ARHGAP15: variants seen among roughly 807,000 people sequenced by gnomAD.
ARHGAP15 encodes Rho GTPase activating protein 15, also known as rho GTPase-activating protein 15.
In ARHGAP15, 51 loss-of-function variants were observed where a neutral mutation model predicts 63.7. The observed-to-expected ratio is 0.80, with a 90% CI of 0.64 to 1.01. ARHGAP15 has a LOEUF of 1.01. Ranked by LOEUF, ARHGAP15 falls within the 50% of genes least tolerant of loss-of-function variation. ARHGAP15 has a pLI of 0.00. For missense variants in ARHGAP15, 560 were observed against 564.6 expected (o/e 0.99, Z 0.08); for synonymous variants, 191 against 193.8 (o/e 0.99, Z 0.12).
intron 5 of ARHGAP15, among the ~76,000 whole-genome samples, chr2:143,245,925 C>T (rs1694030799): frequency 6.6e-6 from 1 of 152,088 alleles, no homozygotes; most frequent in Non-Finnish European, 1.5e-5. Context: ...GTTTATTAGA[C>T]AGATGGGCCA....
intron 13 of ARHGAP15, among the ~76,000 whole-genome samples, chr2:143,708,052 C>T (rs192591278): frequency 5.9e-5 from 9 of 152,176 alleles, no homozygotes; most frequent in Middle Eastern, 3.4e-3. Flanking sequence ...ACAAAGAAAC[C>T]AGGCTTTGGA....
chr2:143,520,354 C>T (rs1694007338), intron 10 of ARHGAP15, among the ~76,000 whole-genome samples: 1 of 152,130 alleles, frequency 6.6e-6, no homozygotes. Flanking sequence ...TTTCTAACTC[C>T]TGGAAATTCA....
chr2:143,135,443 A>G (rs1689098101), intron 1 of ARHGAP15, among the ~76,000 whole-genome samples: 1 of 152,200 alleles, frequency 6.6e-6, no homozygotes, highest in South Asian at 2.1e-4. Flanking sequence ...GGATTGCTGG[A>G]GATACAAAGA....
intron 11 of ARHGAP15, among the ~76,000 whole-genome samples, chr2:143,586,361 G>T (rs139044727): frequency 0.011 from 1,660 of 151,098 alleles, 29 homozygotes; most frequent in African/African-American, 0.038. Flanking sequence ...TTTTTTCTGT[G>T]GCATTTGCTC....
At chr2:143,539,367 G>A (rs1363405929) in intron 10 of ARHGAP15, among the ~76,000 whole-genome samples, 1 of 151,244 alleles carries the variant, frequency 6.6e-6, no homozygotes, top group East Asian at 1.9e-4. Context: ...GGTTTTTTGT[G>A]TCTCTATTTC....
chr2:143,285,398 C>T (rs922113369), intron 6 of ARHGAP15, among the ~76,000 whole-genome samples: 23 of 151,948 alleles, frequency 1.5e-4, no homozygotes, highest in Non-Finnish European at 1.3e-4. Context: ...ATAAATCAGG[C>T]AATTGACAGT....
chr2:143,189,533 C>A (rs1385909015), intron 2 of ARHGAP15, among the ~76,000 whole-genome samples: 2 of 145,280 alleles, frequency 1.4e-5, no homozygotes, highest in African/African-American at 5.1e-5. Flanking sequence ...CAGTCTCATT[C>A]CTCATTGCAA....
At chr2:143,618,563 CAATAA>C (rs1698530218) in intron 11 of ARHGAP15, among the ~76,000 whole-genome samples, 1 of 152,108 alleles carries the variant, frequency 6.6e-6, no homozygotes, top group Non-Finnish European at 1.5e-5. Flanking sequence ...AAAATTGCAA[CAATAA>C]AATAAAAGTT....
chr2:143,475,687 A>G (rs750073854), intron 8 of ARHGAP15, among the ~76,000 whole-genome samples: 2 of 152,236 alleles, frequency 1.3e-5, no homozygotes, highest in Non-Finnish European at 2.9e-5. Flanking sequence ...CAAAGGGGTG[A>G]AGCCAGAGGA....
chr2:143,506,935 T>A lies in ARHGAP15; in HGVS notation c.827-12331T>A, dbSNP rs570001856. 1.3e-4 allele frequency among the ~76,000 whole-genome samples: 20 copies of A among 152,272 alleles called. 1 individual carries two copies. The highest frequency in any genetic ancestry group is 4.3e-4 in the African/African-American group (18 of 41,564). On this transcript the variant is annotated intron_variant, in intron 9 of 13. Transcript: ENST00000295095. ...TAAGCTGTTTTAATATCAAAGGAAA[T>A]AATTTTCTTTTGTAAATTTTTCTCA... is the stretch of plus-strand genomic sequence containing the variant.
chr2:143,297,090 G>A (rs1188660173), intron 6 of ARHGAP15, among the ~76,000 whole-genome samples: 1 of 151,860 alleles, frequency 6.6e-6, no homozygotes, highest in Non-Finnish European at 1.5e-5. Flanking sequence ...TTCCTGAGGG[G>A]GAGCCTTTCC....
chr2:143,751,030 T>C (rs970995379), intron 13 of ARHGAP15, among the ~76,000 whole-genome samples: 2 of 152,188 alleles, frequency 1.3e-5, no homozygotes, highest in Admixed American at 6.5e-5. Flanking sequence ...TATTGGAACT[T>C]CTCTGACTCC....
Position 143,434,361 on chromosome 2 carries a change from C to T in ARHGAP15, c.475-1240C>T, listed in dbSNP as rs1011063040. Among the ~76,000 whole-genome samples the T allele has an allele frequency of 7.2e-5, 11 of 152,098 alleles. No individual in the cohort carries two copies. The East Asian group carries it at 1.5e-3, about 21-fold the overall frequency. ...AATCTCTATAGAGTTTTTCTAAAAACAAATGACAAATGAATATATATGCAC... is the reference window on the plus strand; with the variant it reads ...AATCTCTATAGAGTTTTTCTAAAAATAAATGACAAATGAATATATATGCAC... On this transcript the variant is annotated intron_variant, in intron 6 of 13. Transcript: ENST00000295095.
intron 5 of ARHGAP15, among the ~76,000 whole-genome samples, chr2:143,243,314 A>G (rs1231408763): frequency 6.6e-6 from 1 of 152,226 alleles, no homozygotes; most frequent in African/African-American, 2.4e-5. Flanking sequence ...GACGAAGAGA[A>G]TAATAAAAAT....
intron 12 of ARHGAP15, among the ~76,000 whole-genome samples, chr2:143,660,217 A>T (rs971233299): frequency 1.1e-4 from 16 of 152,138 alleles, no homozygotes; most frequent in African/African-American, 2.9e-4. Context: ...TGTTTTTTTT[A>T]AATTGTATCA....
intron 6 of ARHGAP15, among the ~76,000 whole-genome samples, chr2:143,433,364 G>A (rs949587779): frequency 3.3e-5 from 5 of 152,014 alleles, no homozygotes; most frequent in African/African-American, 7.2e-5. Flanking sequence ...CTGGTAACTC[G>A]AAAGATTAGT....
At chr2:143,231,088 T>TTTTTTTTTTTTA (rs1553451680) in intron 5 of ARHGAP15, among the ~76,000 whole-genome samples, 1 of 150,390 alleles carries the variant, frequency 6.6e-6, no homozygotes, top group East Asian at 1.9e-4. Flanking sequence ...TTTTTTTTTT[T>TTTTTTTTTTTTA]ACCACTCATT....
intron 10 of ARHGAP15, among the ~76,000 whole-genome samples, chr2:143,520,794 A>C (rs1461075600): frequency 1.3e-5 from 2 of 152,150 alleles, no homozygotes; most frequent in Non-Finnish European, 2.9e-5. Context: ...CTCAGCCCTG[A>C]CAGTGTGAGC....
At chr2:143,371,926 T>C (rs377155343) in intron 6 of ARHGAP15, among the ~76,000 whole-genome samples, 2 of 152,074 alleles carry the variant, frequency 1.3e-5, no homozygotes, top group East Asian at 3.9e-4. Flanking sequence ...ATATCATTAG[T>C]CTTTCAAGAA....
Sources: allele counts gnomAD v4.1 joint callset (sites outside exome capture counted in the v4.1 genomes callset), GRCh38; gene constraint gnomAD v4.1.1; transcripts MANE v1.5; gene names NCBI Gene and HGNC (gene_info 2026-07-23, HGNC 2026-07-21).